The following CNGB1 variants were observed in gnomAD, a reference collection of about 807,000 sequenced individuals.
The protein encoded by CNGB1 is cyclic nucleotide-gated channel beta-1.
A neutral mutation model predicts 151.7 loss-of-function variants in CNGB1; 126 were observed. The observed-to-expected ratio is 0.83, with a 90% CI of 0.72 to 0.96. CNGB1 has a LOEUF of 0.96. Ranked by LOEUF, CNGB1 falls within the 40% of genes least tolerant of loss-of-function variation. The pLI is 0.00. For missense variants in CNGB1, 1,698 were observed against 1,627.0 expected (o/e 1.04, Z -0.75); for synonymous variants, 623 against 635.1 (o/e 0.98, Z 0.29).
intron 18 of CNGB1, 41 bp from the exon 19 acceptor site, chr16:57,920,585 AG>A: frequency 6.2e-7 from 1 of 1,604,552 alleles, no homozygotes. Context: ...CTGAGCCGGG[AG>A]GGACCTGTGC....
intron 29 of CNGB1, among the ~76,000 whole-genome samples, chr16:57,900,432 C>T (rs188976953): frequency 6.6e-6 from 1 of 152,252 alleles, no homozygotes; most frequent in East Asian, 1.9e-4. Context: ...TGCTTATTAA[C>T]GGTTTATTAT....
At chr16:57,897,290 A>C in intron 31 of CNGB1, 107 bp downstream of exon 31, 4 of 1,228,398 alleles carry the variant, frequency 3.3e-6, no homozygotes, top group Non-Finnish European at 3.4e-6. Context: ...TGACAGAGCA[A>C]GATGTCATCT....
At chr16:57,921,850 C>A (rs564889219) in intron 18 of CNGB1, among the ~76,000 whole-genome samples, 6 of 152,282 alleles carry the variant, frequency 3.9e-5, no homozygotes, top group African/African-American at 1.4e-4. Context: ...CTGATGCATG[C>A]AACTATTGAG....
At chr16:57,904,107 G>GA (rs1204430314) in intron 26 of CNGB1, 126 bp from the exon 27 acceptor site, 35 of 785,338 alleles carry the variant, frequency 4.5e-5, no homozygotes, top group Middle Eastern at 3.4e-4. Context: ...GGCGTTGGGA[G>GA]GGGGGTAGGC....
At position 57,911,872 on chromosome 16, in the gene CNGB1, G is replaced by A. The variant is rs377762874; in HGVS notation, c.2373C>T (p.Val791=). The change falls in exon 25 of 33, where the codon GTC becomes GTT. Residue 791 remains valine (V), a synonymous_variant. Coordinates refer to ENST00000251102, the MANE Select transcript of CNGB1 (RefSeq NM_001297.5). The part of the protein sequence containing the change: ...SILSKAYVYR[V]IRTTAYLLYS... ...AGAGAAGGTAGGCTGTGGTCCTGAT[G>A]ACCCTGCAGAAGGAACACAGCGCAT... 2.3e-5 allele frequency: 37 copies of A among 1,613,366 alleles called. No homozygotes were observed. Among genetic ancestry groups the A allele is most frequent in the Non-Finnish European group, 3.0e-5 (35 of 1,179,674 alleles).
At chr16:57,930,493 G>A (rs1378829218) in intron 17 of CNGB1, among the ~76,000 whole-genome samples, 11 of 127,850 alleles carry the variant, frequency 8.6e-5, no homozygotes, top group African/African-American at 3.2e-4. Flanking sequence ...GATCTTGTCT[G>A]AAAGGAAGAA....
intron 1 of CNGB1, among the ~76,000 whole-genome samples, chr16:57,969,156 A>G (rs997865931): frequency 7.2e-5 from 11 of 151,944 alleles, no homozygotes; most frequent in Admixed American, 1.3e-4. Context: ...AAATACAAAA[A>G]TTAGCTGGGT....
intron 17 of CNGB1, among the ~76,000 whole-genome samples, chr16:57,925,679 G>A (rs879444902): frequency 6.7e-6 from 1 of 148,214 alleles, no homozygotes; most frequent in Non-Finnish European, 1.5e-5. Flanking sequence ...TTTCCCAAGG[G>A]AAGTTCATGA....
intron 14 of CNGB1, among the ~76,000 whole-genome samples, chr16:57,941,420 CG>C (rs1961664474): frequency 1.3e-5 from 2 of 152,278 alleles, no homozygotes; most frequent in African/African-American, 4.8e-5. Flanking sequence ...AAGGTGGAGA[CG>C]GGATTGTTGC....
At position 57,939,568 on chromosome 16, in the gene CNGB1, C is replaced by T; in HGVS notation, c.1234G>A (p.Glu412Lys). The T allele has an allele frequency of 6.2e-7, 1 of 1,614,168 alleles. No individual in the cohort carries two copies. The highest frequency in any genetic ancestry group is 1.1e-5 in the South Asian group (1 of 91,072). Residue 412 changes from glutamate (E) to lysine (K), a missense_variant, in exon 16 of 33, where the codon GAG (glutamate) becomes AAG (lysine). Coordinates refer to ENST00000251102, the MANE Select transcript of CNGB1 (RefSeq NM_001297.5). The part of the protein sequence containing the change: ...DQKLWEEVGE[E>K]AKKEAEEKAK... The stretch of plus-strand genomic sequence containing the variant: ...TTCTCTTCAGCCTCCTTCTTGGCCT[C>T]CTCCCCAACTTCCTCCCACAGCTTC...
intron 23 of CNGB1, 99 bp from the exon 24 acceptor site, chr16:57,913,093 C>T: frequency 9.0e-7 from 1 of 1,106,724 alleles, no homozygotes; most frequent in Non-Finnish European, 1.4e-6. Flanking sequence ...TCCTGCAGCC[C>T]CCAGGAGGGA....
At chr16:57,954,888 C>A in intron 12 of CNGB1, 1 of 1,030,286 alleles carries the variant, frequency 9.7e-7, no homozygotes, top group Non-Finnish European at 1.2e-6. Context: ...CTGAGTCCTC[C>A]ATCCATGGGG....
rs778368589 is a variant in CNGB1 at position 57,888,032 on chromosome 16, G to A, written c.3285C>T (p.Ser1095=). The A allele has an allele frequency of 1.7e-5, 27 of 1,614,028 alleles. No homozygotes were observed. Among genetic ancestry groups the A allele is most frequent in the South Asian group, 1.6e-4 (15 of 91,078 alleles). ...RSNNKPKEEK[S]VLILPPRAGT... ...CCGCCCGGGGTGGAAGGATCAGCAC[G>A]CTCTTCTCCTCCTTGGGCTTATTGT... The change falls in exon 32 of 33, where the codon AGC becomes AGT. Residue 1095 remains serine, a synonymous_variant. Coordinates refer to ENST00000251102, the MANE Select transcript of CNGB1 (RefSeq NM_001297.5).
chr16:57,903,904 C>T lies in CNGB1; in HGVS notation c.2712G>A (p.Met904Ile). ...CGGACTTGGGGATCTTGTAGAAATT[C>T]ATGTACTTCACCGTGCTGTCCATGC... ...RSCMDSTVKY[M>I]NFYKIPKSVQ... is the part of the protein sequence containing the mutation. The change falls in exon 27 of 33, where the codon ATG becomes ATA. Residue 904 changes from methionine (M) to isoleucine (I), a missense_variant. Transcript: ENST00000251102. 3 of 1,614,170 alleles carry T rather than the reference C, an allele frequency of 1.9e-6. No individual in the cohort carries two copies. Among genetic ancestry groups the T allele is most frequent in the South Asian group, 1.1e-5 (1 of 91,080 alleles).
chr16:57,936,111 A>T (rs1490390085), intron 16 of CNGB1, among the ~76,000 whole-genome samples: 1 of 152,160 alleles, frequency 6.6e-6, no homozygotes, highest in African/African-American at 2.4e-5. Context: ...GGGTGCCAGT[A>T]TGTTCCTGAG....
chr16:57,920,774 T>C (rs527967089), intron 18 of CNGB1, among the ~76,000 whole-genome samples: 1 of 152,332 alleles, frequency 6.6e-6, no homozygotes, highest in East Asian at 1.9e-4. Context: ...TTGGAAAATG[T>C]ACCACGTAGG....
intron 10 of CNGB1, among the ~76,000 whole-genome samples, chr16:57,959,071 T>C (rs1009695727): frequency 6.6e-6 from 1 of 152,010 alleles, no homozygotes; most frequent in African/African-American, 2.4e-5. Flanking sequence ...ATTTTAAATA[T>C]ATGTATCCTT....
At chr16:57,962,951 T>G (rs1191005594) in intron 5 of CNGB1, 23 bp downstream of exon 5, 1 of 1,612,718 alleles carries the variant, frequency 6.2e-7, no homozygotes, top group African/African-American at 1.3e-5. Flanking sequence ...CCCGGCCCCT[T>G]CAGCCTCCAG....
chr16:57,962,288 G>T (rs2149387626), intron 7 of CNGB1, among the ~76,000 whole-genome samples: 1 of 152,274 alleles, frequency 6.6e-6, no homozygotes, highest in South Asian at 2.1e-4. Flanking sequence ...GCCCACCTGT[G>T]AGGAGCTCAT....
Sources: allele counts gnomAD v4.1 joint callset (sites outside exome capture counted in the v4.1 genomes callset), GRCh38; gene constraint gnomAD v4.1.1; transcripts MANE v1.5; gene names NCBI Gene and HGNC (gene_info 2026-07-23, HGNC 2026-07-21).